Variants in SEMA5A observed in about 807,000 individuals in gnomAD.
SEMA5A encodes the protein semaphorin-5A.
Under a neutral mutation model 135.5 loss-of-function variants are expected in SEMA5A, and 55 were observed. The ratio of observed to expected loss-of-function variants is 0.41; its 90% confidence interval spans 0.33 to 0.51. SEMA5A has a LOEUF of 0.51. Ranked by LOEUF, SEMA5A falls within the 20% of genes least tolerant of loss-of-function variation. The pLI is 0.37. For synonymous variants in SEMA5A, 580 were observed against 546.5 expected (o/e 1.06, Z -0.85); for missense variants, 1,290 against 1,419.9 (o/e 0.91, Z 1.47).
At chr5:9,531,632 C>T (rs2126331022) in intron 1 of SEMA5A, among the ~76,000 whole-genome samples, 1 of 152,228 alleles carries the variant, frequency 6.6e-6, no homozygotes, top group East Asian at 1.9e-4. Flanking sequence ...TGAATTGAAC[C>T]TGCAACATTG....
intron 5 of SEMA5A, among the ~76,000 whole-genome samples, chr5:9,309,998 A>G (rs967286912): frequency 1.3e-5 from 2 of 152,246 alleles, no homozygotes; most frequent in South Asian, 4.1e-4. Context: ...ATTATTACAC[A>G]GCGAGTCCAA....
chr5:9,330,812 G>A (rs947851609), intron 4 of SEMA5A, among the ~76,000 whole-genome samples: 1 of 152,138 alleles, frequency 6.6e-6, no homozygotes, highest in African/African-American at 2.4e-5. Context: ...AGAAGGAAAG[G>A]GACAGAGAAG....
rs549737892 is a variant in SEMA5A at position 9,234,602 on chromosome 5, A to G, written c.333+3226T>C. Among the ~76,000 whole-genome samples, 4 of 152,316 alleles carry G rather than the reference A, an allele frequency of 2.6e-5. No individual in the cohort carries two copies. In the East Asian group the frequency reaches 5.8e-4, roughly 22 times the overall value. ...ATTTAAACTGTCTGTGAATTTATCA[A>G]TATACTTAAGGCAACCTAAAAGAAC... On this transcript the variant is annotated intron_variant, in intron 6 of 22. Coordinates refer to ENST00000382496, the MANE Select transcript of SEMA5A (RefSeq NM_003966.3).
chr5:9,163,865 C>T (rs770678396), intron 11 of SEMA5A, among the ~76,000 whole-genome samples: 56 of 151,552 alleles, frequency 3.7e-4, no homozygotes, highest in South Asian at 8.3e-4. Context: ...CCAAACCTGC[C>T]GACAGCTTGA....
At chr5:9,222,440 T>C (rs1212255243) in intron 8 of SEMA5A, among the ~76,000 whole-genome samples, 1 of 152,084 alleles carries the variant, frequency 6.6e-6, no homozygotes, top group Non-Finnish European at 1.5e-5. Context: ...TTTTCTATCC[T>C]AGGAGAGAGG....
chr5:9,453,180 A>T (rs1758709042), intron 1 of SEMA5A, among the ~76,000 whole-genome samples: 1 of 152,208 alleles, frequency 6.6e-6, no homozygotes, highest in African/African-American at 2.4e-5. Context: ...TTATCCAGAG[A>T]TTACATATTT....
intron 2 of SEMA5A, among the ~76,000 whole-genome samples, chr5:9,390,301 A>G (rs1467733941): frequency 6.6e-6 from 1 of 152,256 alleles, no homozygotes; most frequent in Non-Finnish European, 1.5e-5. Flanking sequence ...ATGAAAGCAG[A>G]CGGAAGATAT....
At chr5:9,044,629 C>T (rs914919550) in intron 21 of SEMA5A, 45 bp from the exon 22 acceptor site, 29 of 1,508,792 alleles carry the variant, frequency 1.9e-5, no homozygotes, top group Non-Finnish European at 2.6e-5. Context: ...AAAAGAACAT[C>T]CTGCCTAGCT....
At chr5:9,180,262 A>C (rs1744430564) in intron 11 of SEMA5A, among the ~76,000 whole-genome samples, 1 of 152,218 alleles carries the variant, frequency 6.6e-6, no homozygotes, top group Non-Finnish European at 1.5e-5. Context: ...GAATTTCAAC[A>C]TACCTTCTTT....
At chr5:9,484,487 G>C (rs976050668) in intron 1 of SEMA5A, among the ~76,000 whole-genome samples, 1 of 152,194 alleles carries the variant, frequency 6.6e-6, no homozygotes, top group Non-Finnish European at 1.5e-5. Flanking sequence ...GGAAACACTA[G>C]AAGTGCCATT....
intron 1 of SEMA5A, among the ~76,000 whole-genome samples, chr5:9,438,540 A>G (rs1758115951): frequency 1.3e-5 from 2 of 152,250 alleles, no homozygotes; most frequent in South Asian, 4.1e-4. Context: ...CATGTATGCC[A>G]GAGGCTGAAA....
intron 12 of SEMA5A, among the ~76,000 whole-genome samples, chr5:9,151,195 G>A (rs965608603): frequency 8.5e-5 from 13 of 152,172 alleles, no homozygotes; most frequent in African/African-American, 2.9e-4. Flanking sequence ...TTGTGAAATT[G>A]TATCAGTTAT....
At chr5:9,350,981 G>T (rs1754087951) in intron 3 of SEMA5A, among the ~76,000 whole-genome samples, 1 of 152,140 alleles carries the variant, frequency 6.6e-6, no homozygotes, top group Admixed American at 6.5e-5. Context: ...TCTCCCTCTT[G>T]TGATGATAAG....
chr5:9,179,280 T>C (rs985565436), intron 11 of SEMA5A, among the ~76,000 whole-genome samples: 3 of 152,158 alleles, frequency 2.0e-5, no homozygotes, highest in African/African-American at 7.2e-5. Context: ...TTTTATTTAC[T>C]TATGTATTTT....
At chr5:9,475,728 T>A (rs1759644910) in intron 1 of SEMA5A, among the ~76,000 whole-genome samples, 1 of 152,136 alleles carries the variant, frequency 6.6e-6, no homozygotes, top group Non-Finnish European at 1.5e-5. Flanking sequence ...AGCTACTCTA[T>A]AGCAGGAAAA....
intron 11 of SEMA5A, among the ~76,000 whole-genome samples, chr5:9,177,403 T>C (rs564439521): frequency 6.6e-6 from 1 of 152,340 alleles, no homozygotes; most frequent in Admixed American, 6.5e-5. Flanking sequence ...AACAGTGATG[T>C]TGACTCTATC....
At chr5:9,492,110 C>T (rs955272256) in intron 1 of SEMA5A, among the ~76,000 whole-genome samples, 1 of 152,138 alleles carries the variant, frequency 6.6e-6, no homozygotes. Context: ...AACTGCGGAC[C>T]CATCAACAAA....
At chr5:9,057,302 C>T (rs946389412) in intron 18 of SEMA5A, among the ~76,000 whole-genome samples, 1 of 152,108 alleles carries the variant, frequency 6.6e-6, no homozygotes, top group African/African-American at 2.4e-5. Context: ...ACAGCGAAAA[C>T]AAAAATAAAA....
At chr5:9,431,800 A>G (rs1183603887) in intron 2 of SEMA5A, among the ~76,000 whole-genome samples, 2 of 152,182 alleles carry the variant, frequency 1.3e-5, no homozygotes, top group African/African-American at 4.8e-5. Context: ...AACCCCACAC[A>G]CATCTGCCCC....
Sources: allele counts gnomAD v4.1 joint callset (sites outside exome capture counted in the v4.1 genomes callset), GRCh38; gene constraint gnomAD v4.1.1; transcripts MANE v1.5; gene names NCBI Gene and HGNC (gene_info 2026-07-23, HGNC 2026-07-21).